Variants in GPR149 observed in about 807,000 individuals in gnomAD.
The protein encoded by GPR149 is G protein-coupled receptor 149.
A neutral mutation model predicts 50.2 loss-of-function variants in GPR149; 50 were observed. The observed-to-expected ratio is 1.00, with a 90% CI of 0.79 to 1.26. The LOEUF (loss-of-function observed/expected upper bound fraction) is 1.26. GPR149 is among the 50% of genes most tolerant of loss of function. The probability of loss-of-function intolerance (pLI) is 0.00; values close to 1 mark genes in which losing one functional copy is unlikely to be tolerated. For missense variants in GPR149, 983 were observed against 895.4 expected, an observed-to-expected ratio of 1.10 and a Z score of -1.25; for synonymous variants, 405 against 358.2, an observed-to-expected ratio of 1.13 and a Z score of -1.48.
chr3:154,426,260 A>G (rs2108432078), intron 2 of GPR149, among the ~76,000 whole-genome samples: 1 of 152,318 alleles, frequency 6.6e-6, no homozygotes, highest in South Asian at 2.1e-4. Flanking sequence ...CATTCTTAAC[A>G]ATAAAAAATT....
intron 3 of GPR149, among the ~76,000 whole-genome samples, chr3:154,402,653 T>C (rs1234283267): frequency 6.6e-6 from 1 of 152,146 alleles, no homozygotes; most frequent in Non-Finnish European, 1.5e-5. Context: ...CAACTAAGTC[T>C]TTGTGGATCA....
chr3:154,364,939 C>G (rs1300992083), intron 3 of GPR149, among the ~76,000 whole-genome samples: 1 of 152,206 alleles, frequency 6.6e-6, no homozygotes, highest in East Asian at 1.9e-4. Flanking sequence ...GGTGGCCCCA[C>G]CTTCACAGAC....
At chr3:154,410,145 A>G (rs926067846) in intron 3 of GPR149, among the ~76,000 whole-genome samples, 2 of 152,188 alleles carry the variant, frequency 1.3e-5, no homozygotes, top group Non-Finnish European at 2.9e-5. Context: ...CTCATAAATG[A>G]AGGAAAGACA....
At chr3:154,428,520 A>AGC in intron 1 of GPR149, 115 bp downstream of exon 1, 1 of 1,165,526 alleles carries the variant, frequency 8.6e-7, no homozygotes, top group Non-Finnish European at 1.2e-6. Flanking sequence ...TACACTTGGA[A>AGC]GCGGACTTCA....
At chr3:154,338,981 T>G (rs1355271564) in intron 3 of GPR149, among the ~76,000 whole-genome samples, 1 of 152,206 alleles carries the variant, frequency 6.6e-6, no homozygotes, top group Admixed American at 6.5e-5. Flanking sequence ...TACTTACCAC[T>G]GAGAGGTGCT....
chr3:154,428,990 G>A lies in GPR149; in HGVS notation c.626C>T (p.Ser209Leu), dbSNP rs376646264. ...CAGCAATCGGTGAGTGAGTGGGACTGAGAGGCCCACGAGGAGTCCGAAGGC... is the reference window on the plus strand; with the variant it reads ...CAGCAATCGGTGAGTGAGTGGGACTAAGAGGCCCACGAGGAGTCCGAAGGC... ...ALAFGLLVGL[S>L]VPLTHRLLCS... The change falls in exon 1 of 4, where the codon TCA becomes TTA. Residue 209 changes from serine to leucine, a missense_variant. Physicochemically the swap from Ser to Leu is moderately radical, Grantham distance 145. Transcript: ENST00000389740. 9.3e-6 allele frequency: 15 copies of A among 1,613,974 alleles called. No homozygotes were observed. Among genetic ancestry groups the A allele is most frequent in the African/African-American group, 1.3e-5 (1 of 74,950 alleles).
chr3:154,362,863 C>T (rs1362795108), intron 3 of GPR149, among the ~76,000 whole-genome samples: 1 of 152,030 alleles, frequency 6.6e-6, no homozygotes, highest in Non-Finnish European at 1.5e-5. Context: ...AACCTGGATC[C>T]ATCCATGTGT....
At chr3:154,360,639 A>G (rs763423289) in intron 3 of GPR149, among the ~76,000 whole-genome samples, 17 of 152,214 alleles carry the variant, frequency 1.1e-4, no homozygotes, top group Non-Finnish European at 2.5e-4. Context: ...TTCATTCACT[A>G]TATTTTTATT....
At position 154,336,066 on chromosome 3, in the gene GPR149, TAAA is replaced by T. The variant is rs1160295825; in HGVS notation, c.*1630_*1632del. The stretch of plus-strand genomic sequence containing the variant: ...TGTTAATATTGGTGATACAGTCTTT[TAAA>T]ATAAAATATATTTGTAACGAGAATA... On this transcript the variant is annotated 3_prime_UTR_variant, in exon 4 of 4. Coordinates refer to ENST00000389740, the MANE Select transcript of GPR149 (RefSeq NM_001038705.3). The T allele has an allele frequency of 6.6e-6, 1 of 152,116 alleles. No individual in the cohort carries two copies. The highest frequency in any genetic ancestry group is 1.5e-5 in the Non-Finnish European group (1 of 67,928). The allele number at this position is 152,116 out of a possible 1,614,324, so 9.4% of individuals were successfully genotyped here. A position where few individuals can be genotyped will look rare whatever the true frequency, so the allele number is the denominator to read the frequency against.
intron 3 of GPR149, among the ~76,000 whole-genome samples, chr3:154,342,846 A>T (rs994615541): frequency 3.3e-5 from 5 of 152,232 alleles, no homozygotes; most frequent in African/African-American, 1.2e-4. Flanking sequence ...TTGATTGTGT[A>T]TTTGACTATA....
At chr3:154,395,332 G>T (rs1315331290) in intron 3 of GPR149, among the ~76,000 whole-genome samples, 1 of 151,132 alleles carries the variant, frequency 6.6e-6, no homozygotes, top group African/African-American at 2.4e-5. Flanking sequence ...ATACCTTAAA[G>T]AACATATACA....
At chr3:154,359,741 G>A (rs1576905097) in intron 3 of GPR149, among the ~76,000 whole-genome samples, 1 of 152,050 alleles carries the variant, frequency 6.6e-6, no homozygotes, top group Non-Finnish European at 1.5e-5. Context: ...AATTCTAAAC[G>A]AAGTATCTTA....
chr3:154,389,075 C>T (rs1342990565), intron 3 of GPR149, among the ~76,000 whole-genome samples: 3 of 152,102 alleles, frequency 2.0e-5, no homozygotes, highest in Non-Finnish European at 2.9e-5. Flanking sequence ...TCCATTCATT[C>T]ATTCGTTCAT....
intron 3 of GPR149, among the ~76,000 whole-genome samples, chr3:154,383,939 G>C (rs891294168): frequency 6.6e-6 from 1 of 152,106 alleles, no homozygotes; most frequent in African/African-American, 2.4e-5. Flanking sequence ...ACCAGACACC[G>C]ACTTTGCCAG....
At chr3:154,366,660 C>T (rs1305935028) in intron 3 of GPR149, among the ~76,000 whole-genome samples, 1 of 152,204 alleles carries the variant, frequency 6.6e-6, no homozygotes, top group Non-Finnish European at 1.5e-5. Flanking sequence ...AGCTTAACTC[C>T]TTTCAACCAA....
chr3:154,428,965 C>G lies in GPR149; in HGVS notation c.651G>C (p.Leu217=). ...GGAGTCTCGGCGGCTCCTCCGAACA[C>G]AGCAATCGGTGAGTGAGTGGGACTG... ...GLSVPLTHRL[L]CSEEPPRLHS... The change falls in exon 1 of 4, where the codon CTG becomes CTC. Residue 217 remains leucine (L), a synonymous_variant. Transcript: ENST00000389740. 1 of 1,613,894 alleles carries G rather than the reference C, an allele frequency of 6.2e-7. No individual in the cohort carries two copies. The highest frequency in any genetic ancestry group is 2.2e-5 in the East Asian group (1 of 44,852).
rs1252659128 is a variant in GPR149 at position 154,392,700 on chromosome 3, A to G, written c.1623+28339T>C. 4.6e-5 allele frequency among the ~76,000 whole-genome samples: 7 copies of G among 151,976 alleles called. No individual in the cohort carries two copies. In the South Asian group the frequency reaches 1.0e-3, roughly 23 times the overall value. On this transcript the variant is annotated intron_variant, in intron 3 of 3. Coordinates refer to ENST00000389740, the MANE Select transcript of GPR149 (RefSeq NM_001038705.3). ...CAAACCACTAGTAGATTAAAAAAAA[A>G]GAGGGAAGGCCCAAATAAATAAAAT...
At chr3:154,368,960 C>T (rs538735433) in intron 3 of GPR149, among the ~76,000 whole-genome samples, 1 of 152,316 alleles carries the variant, frequency 6.6e-6, no homozygotes, top group South Asian at 2.1e-4. Context: ...AGTCCTTGTG[C>T]CCCATTTAGT....
Position 154,365,459 on chromosome 3 carries a change from C to T in GPR149, c.1624-27188G>A, listed in dbSNP as rs574722820. Among the ~76,000 whole-genome samples, 23 of 152,262 alleles carry T rather than the reference C, an allele frequency of 1.5e-4. No individual in the cohort carries two copies. In the South Asian group the frequency reaches 4.8e-3, roughly 32 times the overall value. ...ATTTCCTTATCAATGAGTAGCTTGGCCACATCCTCAGTTTTCCCTCCTTAA... is the reference window on the plus strand; with the variant it reads ...ATTTCCTTATCAATGAGTAGCTTGGTCACATCCTCAGTTTTCCCTCCTTAA... On this transcript the variant is annotated intron_variant, in intron 3 of 3. Coordinates refer to ENST00000389740, the MANE Select transcript of GPR149 (RefSeq NM_001038705.3).
Sources: allele counts gnomAD v4.1 joint callset (sites outside exome capture counted in the v4.1 genomes callset), GRCh38; gene constraint gnomAD v4.1.1; transcripts MANE v1.5; gene names NCBI Gene and HGNC (gene_info 2026-07-23, HGNC 2026-07-21).